KHDRBS2: variants seen among roughly 807,000 people sequenced by gnomAD.
KHDRBS2 encodes KH domain-containing, RNA-binding, signal transduction-associated protein 2.
KHDRBS2 carries 26 observed loss-of-function variants against 44.3 expected under a neutral mutation model. The ratio of observed to expected loss-of-function variants is 0.59; its 90% CI spans 0.43 to 0.81. The LOEUF (loss-of-function observed/expected upper bound fraction) is 0.81. KHDRBS2 is among the 40% of genes least tolerant of loss of function. KHDRBS2 has a pLI of 0.00. For missense variants in KHDRBS2, 476 were observed against 433.1 expected (o/e 1.10, Z -0.88); for synonymous variants, 194 against 151.1 (o/e 1.28, Z -2.08).
At chr6:61,957,130 C>G (rs1450834475) in intron 4 of KHDRBS2, among the ~76,000 whole-genome samples, 1 of 152,122 alleles carries the variant, frequency 6.6e-6, no homozygotes, top group Non-Finnish European at 1.5e-5. Flanking sequence ...TATCACTTCC[C>G]CAATCAATAC....
chr6:62,267,495 T>A (rs1178301020), intron 1 of KHDRBS2, among the ~76,000 whole-genome samples: 1 of 151,846 alleles, frequency 6.6e-6, no homozygotes, highest in African/African-American at 2.4e-5. Context: ...GAGACAGGGG[T>A]TCTAAAATGG....
In KHDRBS2 at chr6:61,902,589, C is replaced by G. The variant is rs1376223088; in HGVS notation, c.484-1218G>C. Among the ~76,000 whole-genome samples, 6 of 151,978 alleles carry G rather than the reference C, an allele frequency of 3.9e-5. No homozygotes were observed. In the East Asian group the frequency reaches 1.2e-3, roughly 29 times the overall value. On this transcript the variant is annotated intron_variant, in intron 4 of 8. Coordinates refer to ENST00000281156, the MANE Select transcript of KHDRBS2 (RefSeq NM_152688.4). ...GTAACTGGTTATTTGTGCCAAATGGCCAATCTGATCAATTATTATTCTGGA... is the reference window on the plus strand; with the variant it reads ...GTAACTGGTTATTTGTGCCAAATGGGCAATCTGATCAATTATTATTCTGGA...
At chr6:62,024,697 T>C in intron 3 of KHDRBS2, among the ~76,000 whole-genome samples, 1 of 151,776 alleles carries the variant, frequency 6.6e-6, no homozygotes, top group Admixed American at 6.6e-5. Flanking sequence ...TGTCTTGAAT[T>C]GTTTGTCAAG....
At chr6:62,146,179 A>T (rs1813894855) in intron 2 of KHDRBS2, among the ~76,000 whole-genome samples, 1 of 151,870 alleles carries the variant, frequency 6.6e-6, no homozygotes, top group Admixed American at 6.6e-5. Context: ...CTGAAAGGGC[A>T]AAACTGGCTA....
At chr6:62,190,242 G>A (rs1824309106) in intron 1 of KHDRBS2, among the ~76,000 whole-genome samples, 1 of 152,104 alleles carries the variant, frequency 6.6e-6, no homozygotes, top group African/African-American at 2.4e-5. Context: ...TGGAAGCTGA[G>A]TTTTGACTAC....
chr6:61,791,103 AG>A (rs1784573842), intron 6 of KHDRBS2, among the ~76,000 whole-genome samples: 1 of 151,380 alleles, frequency 6.6e-6, no homozygotes, highest in South Asian at 2.1e-4. Context: ...TGATCTCCTT[AG>A]CAAATTTTAT....
chr6:62,228,652 T>G (rs1832344710), intron 1 of KHDRBS2, among the ~76,000 whole-genome samples: 1 of 152,176 alleles, frequency 6.6e-6, no homozygotes, highest in Non-Finnish European at 1.5e-5. Context: ...CTTTCTAGCT[T>G]TCTTATGTGG....
chr6:61,824,813 T>A (rs1230911961), intron 6 of KHDRBS2, among the ~76,000 whole-genome samples: 1 of 152,170 alleles, frequency 6.6e-6, no homozygotes, highest in Non-Finnish European at 1.5e-5. Flanking sequence ...TGCAAATACC[T>A]GCTTATGCAC....
At chr6:61,953,295 C>T (rs1765155021) in intron 4 of KHDRBS2, among the ~76,000 whole-genome samples, 1 of 151,884 alleles carries the variant, frequency 6.6e-6, no homozygotes, top group East Asian at 1.9e-4. Flanking sequence ...ATTCTAACCC[C>T]AAACGATCTT....
chr6:61,889,913 T>C (rs1002408458), intron 6 of KHDRBS2, among the ~76,000 whole-genome samples: 2 of 152,184 alleles, frequency 1.3e-5, no homozygotes, highest in African/African-American at 4.8e-5. Context: ...ACCAGGGATA[T>C]TGTTTACAGA....
At chr6:61,586,891 G>A in the KHDRBS2 span, among the ~76,000 whole-genome samples, 4 of 152,106 alleles carry the variant, frequency 2.6e-5, no homozygotes, top group Non-Finnish European at 4.4e-5. Context: ...CCCTTTTGAG[G>A]TTAATCTAAT....
intron 4 of KHDRBS2, among the ~76,000 whole-genome samples, chr6:61,943,747 T>C (rs1812623455): frequency 6.6e-6 from 1 of 152,150 alleles, no homozygotes; most frequent in Admixed American, 6.5e-5. Flanking sequence ...TTGCAAACTA[T>C]GCATCCAATA....
rs183677052 is a variant in KHDRBS2 at position 62,240,506 on chromosome 6, G to T, written c.91+45352C>A. Among the ~76,000 whole-genome samples, 228 of 150,796 alleles carry T rather than the reference G, an allele frequency of 1.5e-3. 1 individual carries two copies. The highest frequency in any genetic ancestry group is 5.4e-3 in the African/African-American group (221 of 41,096). On this transcript the variant is annotated intron_variant, in intron 1 of 8. Coordinates refer to ENST00000281156, the MANE Select transcript of KHDRBS2 (RefSeq NM_152688.4). ...AGCTGAAAGAACAAGGAAATAAGTA[G>T]GTGTACACTAATTTCATACACACAA... is the stretch of plus-strand genomic sequence containing the variant.
the KHDRBS2 span, among the ~76,000 whole-genome samples, chr6:61,584,629 T>G: frequency 6.6e-6 from 1 of 151,810 alleles, no homozygotes; most frequent in Admixed American, 6.6e-5. Context: ...TTAGGGATAT[T>G]AAAAGGATGA....
At chr6:62,109,337 GAAAATTCCTT>G (rs1348716122) in intron 2 of KHDRBS2, among the ~76,000 whole-genome samples, 2 of 151,780 alleles carry the variant, frequency 1.3e-5, no homozygotes, top group Non-Finnish European at 2.9e-5. Context: ...TAGAAAAAAT[GAAAATTCCTT>G]ATTTTTTTCA....
chr6:61,736,035 G>T (rs1334754977), intron 6 of KHDRBS2, among the ~76,000 whole-genome samples: 1 of 150,802 alleles, frequency 6.6e-6, no homozygotes, highest in Non-Finnish European at 1.5e-5. Context: ...TGCTCAATGA[G>T]CTCTTTCAAT....
At chr6:61,676,654 A>G (rs2880772), downstream of KHDRBS2, among the ~76,000 whole-genome samples, 33,630 of 151,688 alleles carry the variant, frequency 0.22, 3,899 homozygotes, top group African/African-American at 0.25. Flanking sequence ...AGTGCAGTGA[A>G]ACATCCTATA....
intron 1 of KHDRBS2, among the ~76,000 whole-genome samples, chr6:62,229,658 T>A (rs2150158132): frequency 6.6e-6 from 1 of 152,286 alleles, no homozygotes; most frequent in Non-Finnish European, 1.5e-5. Flanking sequence ...ATCTTCCAAT[T>A]CGTGGGTTTC....
chr6:61,605,983 G>T, the KHDRBS2 span, among the ~76,000 whole-genome samples: 7 of 151,864 alleles, frequency 4.6e-5, no homozygotes, highest in African/African-American at 1.7e-4. Context: ...GAAAATGGCC[G>T]GTCCCTGCCT....
Sources: allele counts gnomAD v4.1 joint callset (sites outside exome capture counted in the v4.1 genomes callset), GRCh38; gene constraint gnomAD v4.1.1; transcripts MANE v1.5; gene names NCBI Gene and HGNC (gene_info 2026-07-23, HGNC 2026-07-21).